The following SRPX variants were observed in gnomAD, a reference collection of about 807,000 sequenced individuals.
SRPX encodes sushi repeat-containing protein SRPX.
SRPX carries 24 observed loss-of-function variants against 38.1 expected under a neutral mutation model. The ratio of observed to expected loss-of-function variants is 0.63; its 90% confidence interval spans 0.46 to 0.89. SRPX has a LOEUF of 0.89. Among genes scored for constraint, SRPX ranks in the 40% least tolerant of loss-of-function variants. The pLI is 0.00. For synonymous variants in SRPX, 184 were observed against 153.8 expected (o/e 1.20, Z -1.45); for missense variants, 416 against 377.8 (o/e 1.10, Z -0.84).
intron 9 of SRPX, among the ~76,000 whole-genome samples, chrX:38,153,778 C>G (rs1938069575): frequency 9.0e-6 from 1 of 111,676 alleles, no homozygotes. Flanking sequence ...CCCTGAGAGA[C>G]AGGGAGCAGC....
intron 1 of SRPX, among the ~76,000 whole-genome samples, chrX:38,179,226 G>A (rs1234567916): frequency 6.2e-5 from 7 of 112,054 alleles, no homozygotes; most frequent in East Asian, 2.8e-4. Context: ...GATTACAGGC[G>A]TGAGCCACCG....
chrX:38,150,680 CAG>C (rs1397580709), intron 9 of SRPX, among the ~76,000 whole-genome samples: 1 of 112,201 alleles, frequency 8.9e-6, no homozygotes, highest in Non-Finnish European at 1.9e-5. Context: ...CTCAGGACTG[CAG>C]AGTTATAAGG....
intron 1 of SRPX, among the ~76,000 whole-genome samples, chrX:38,218,208 T>C (rs1164008226): frequency 2.7e-5 from 3 of 112,438 alleles, no homozygotes; most frequent in Non-Finnish European, 5.6e-5. Flanking sequence ...TCACGAAGCC[T>C]TTCTTAGAGG....
chrX:38,189,380 T>C (rs1601863544), intron 1 of SRPX, among the ~76,000 whole-genome samples: 1 of 112,058 alleles, frequency 8.9e-6, no homozygotes, highest in Admixed American at 9.5e-5. Flanking sequence ...GCCTGGTCTT[T>C]CATTTCCATT....
chrX:38,216,031 C>T (rs1939417469), intron 1 of SRPX, among the ~76,000 whole-genome samples: 1 of 111,883 alleles, frequency 8.9e-6, no homozygotes, highest in African/African-American at 3.3e-5. Flanking sequence ...GGTTTTGAAT[C>T]GGGATAGAGC....
chrX:38,150,429 T>C, intron 9 of SRPX, among the ~76,000 whole-genome samples: 1 of 112,086 alleles, frequency 8.9e-6, no homozygotes, highest in African/African-American at 3.2e-5. Flanking sequence ...CAGGGGAAAT[T>C]TGGCCATGTC....
At chrX:38,204,885 C>A (rs1199771869) in intron 1 of SRPX, among the ~76,000 whole-genome samples, 2 of 112,354 alleles carry the variant, frequency 1.8e-5, no homozygotes, top group South Asian at 7.4e-4. Context: ...CCCTCTGTTA[C>A]AGGCTCAAAT....
intron 1 of SRPX, among the ~76,000 whole-genome samples, chrX:38,184,804 A>G (rs1237267236): frequency 8.9e-6 from 1 of 111,872 alleles, no homozygotes; most frequent in Non-Finnish European, 1.9e-5. Flanking sequence ...TTTAAAAAGG[A>G]TAAATGCTTA....
chrX:38,201,614 G>A (rs1245839371), intron 1 of SRPX, among the ~76,000 whole-genome samples: 2 of 111,351 alleles, frequency 1.8e-5, no homozygotes, highest in African/African-American at 3.3e-5. Context: ...GGCAGATCAC[G>A]AGGTCAGGAG....
chrX:38,176,432 T>C (rs771483965), intron 2 of SRPX, among the ~76,000 whole-genome samples: 1 of 112,234 alleles, frequency 8.9e-6, no homozygotes, highest in South Asian at 3.8e-4. Context: ...TGCTGGACAT[T>C]GTGCAGGGGC....
At chrX:38,157,063 C>T (rs368517900) in intron 7 of SRPX, 34 bp from the exon 8 acceptor site, 43 of 1,201,219 alleles carry the variant, frequency 3.6e-5, no homozygotes, top group Non-Finnish European at 4.6e-5. Flanking sequence ...GGTCAGAAAC[C>T]TTCCACTTGT....
intron 3 of SRPX, among the ~76,000 whole-genome samples, chrX:38,172,406 T>C (rs1219877438): frequency 8.8e-6 from 1 of 113,173 alleles, no homozygotes; most frequent in Non-Finnish European, 1.9e-5. Flanking sequence ...CGAGCTGAGA[T>C]TGCGCCATTG....
intron 9 of SRPX, among the ~76,000 whole-genome samples, chrX:38,151,203 C>T (rs963205600): frequency 8.9e-6 from 1 of 112,333 alleles, no homozygotes; most frequent in Non-Finnish European, 1.9e-5. Flanking sequence ...GAGGACATGA[C>T]AATACCTCTG....
chrX:38,198,804 C>T (rs191309518), intron 1 of SRPX, among the ~76,000 whole-genome samples: 7 of 110,942 alleles, frequency 6.3e-5, no homozygotes, highest in Admixed American at 1.9e-4. Context: ...TTCTGGGGCC[C>T]GAGCAACAAT....
chrX:38,220,518 G>T (rs1601878637), intron 1 of SRPX, among the ~76,000 whole-genome samples, 178 bp downstream of exon 1: 1 of 113,557 alleles, frequency 8.8e-6, no homozygotes, highest in Non-Finnish European at 1.9e-5. Flanking sequence ...TCTTCCCGGC[G>T]CGTGCCCAGA....
At position 38,209,973 on chromosome X, in the gene SRPX, T is replaced by A. The variant is rs139754409; in HGVS notation, c.97+10723A>T. Among the ~76,000 whole-genome samples, 763 of 112,007 alleles carry A rather than the reference T, an allele frequency of 6.8e-3. 12 individuals are homozygous for A. The highest frequency in any genetic ancestry group is 0.023 in the African/African-American group (720 of 30,807). ...CACCAGTAAATGCTTCAGGAAAAAT[T>A]CAATGTCATGTTCCCAAATGTCCTG... On this transcript the variant is annotated intron_variant, in intron 1 of 9. Transcript: ENST00000378533.
intron 5 of SRPX, among the ~76,000 whole-genome samples, chrX:38,161,990 G>A (rs1186475293): frequency 8.9e-6 from 1 of 112,223 alleles, no homozygotes; most frequent in East Asian, 2.8e-4. Flanking sequence ...GTAGGTGGGT[G>A]AGGTGGCTGT....
chrX:38,149,460 C>G lies in SRPX; in HGVS notation c.*251G>C, dbSNP rs1937968002. The G allele has an allele frequency of 1.1e-5, 3 of 283,624 alleles. No homozygotes were observed. The highest frequency in any genetic ancestry group is 1.2e-4 in the Admixed American group (2 of 16,527). 23.4% of individuals were successfully genotyped at this position (283,624 alleles called of 1,213,427 possible). On this transcript the variant is annotated 3_prime_UTR_variant, in exon 10 of 10. Coordinates refer to ENST00000378533, the MANE Select transcript of SRPX (RefSeq NM_006307.5). ...TGTGTATGGTTATGGGTTCTAATTTCTCTACAAAATCAAGCAGCCATGATG... is the reference window on the plus strand; with the variant it reads ...TGTGTATGGTTATGGGTTCTAATTTGTCTACAAAATCAAGCAGCCATGATG...
rs1341019816 is a variant in SRPX, at chrX:38,149,851, C to T, written c.1255G>A (p.Val419Met). The T allele has an allele frequency of 1.7e-6, 2 of 1,208,832 alleles. No individual in the cohort carries two copies. Among genetic ancestry groups the T allele is most frequent in the African/African-American group, 1.8e-5 (1 of 57,083 alleles). The change falls in exon 10 of 10, where the codon GTG becomes ATG. Residue 419 changes from valine to methionine, a missense_variant. Physicochemically the swap from Val to Met is conservative, Grantham distance 21 (BLOSUM62 1). Transcript: ENST00000378533. ...TCTTTGTCCATGCCATGCTTATCCACTAGCACCATACTGAAGGAGTAGAGT... is the reference window on the plus strand; with the variant it reads ...TCTTTGTCCATGCCATGCTTATCCATTAGCACCATACTGAAGGAGTAGAGT... ...IPLYSFSMVL[V>M]DKHGMDKERY...
Sources: allele counts gnomAD v4.1 joint callset (sites outside exome capture counted in the v4.1 genomes callset), GRCh38; gene constraint gnomAD v4.1.1; transcripts MANE v1.5; gene names NCBI Gene and HGNC (gene_info 2026-07-23, HGNC 2026-07-21).